Variants in ADAM22 observed in about 807,000 individuals in gnomAD.
The protein encoded by ADAM22 is ADAM metallopeptidase domain 22.
In ADAM22, 65 loss-of-function variants were observed where a neutral mutation model predicts 144.6. The ratio of observed to expected loss-of-function variants is 0.45; its 90% confidence interval spans 0.37 to 0.55. The LOEUF is 0.55. Among genes scored for constraint, ADAM22 ranks in the 20% least tolerant of loss-of-function variants. The pLI is 0.00. For missense variants in ADAM22, 974 were observed against 1,184.9 expected (o/e 0.82, Z 2.61); for synonymous variants, 391 against 412.6 (o/e 0.95, Z 0.63).
At position 87,954,060 on chromosome 7, in the gene ADAM22, G is replaced by A. The variant is rs201315977; in HGVS notation, c.246+18874G>A. The stretch of plus-strand genomic sequence containing the variant: ...TCTCTGCCCGTGAGATGGGTTTCCT[G>A]AATACAGCACACTGATGGGTCTTGA... On this transcript the variant is annotated intron_variant, in intron 2 of 31. Coordinates refer to ENST00000413139, the MANE Select transcript of ADAM22 (RefSeq NM_001324418.2). Among the ~76,000 whole-genome samples the A allele has an allele frequency of 5.5e-3, 830 of 152,152 alleles. 30 individuals are homozygous for A. In the East Asian group the frequency reaches 0.089, roughly 16 times the overall value.
chr7:87,934,899 C>G, intron 1 of ADAM22, 127 bp from the exon 2 acceptor site: 2 of 1,365,230 alleles, frequency 1.5e-6, no homozygotes, highest in Non-Finnish European at 2.1e-6. Flanking sequence ...AGTTGGGTTC[C>G]GAGAGGGAGG....
intron 17 of ADAM22, among the ~76,000 whole-genome samples, chr7:88,145,710 AAGGCTTGT>A (rs1323147344): frequency 1.3e-5 from 2 of 152,172 alleles, no homozygotes; most frequent in Non-Finnish European, 2.9e-5. Flanking sequence ...TGAGAATACT[AAGGCTTGT>A]AGTGGTTAAG....
chr7:87,973,184 C>G (rs1394781740), intron 2 of ADAM22, among the ~76,000 whole-genome samples: 2 of 152,266 alleles, frequency 1.3e-5, no homozygotes, highest in East Asian at 3.9e-4. Flanking sequence ...ATTTTTGCAA[C>G]CTACTTATCT....
intron 4 of ADAM22, among the ~76,000 whole-genome samples, chr7:88,084,834 A>G (rs1454161275): frequency 6.6e-6 from 1 of 152,204 alleles, no homozygotes; most frequent in African/African-American, 2.4e-5. Context: ...ATAGAAATGT[A>G]TGTTCTCTCA....
chr7:88,075,733 A>C, intron 4 of ADAM22, 41 bp downstream of exon 4: 1 of 1,340,662 alleles, frequency 7.5e-7, no homozygotes, highest in Non-Finnish European at 1.1e-6. Flanking sequence ...TTTGTTGAGA[A>C]TCTTTTAATA....
chr7:87,974,328 TA>T (rs754589769), intron 2 of ADAM22, among the ~76,000 whole-genome samples: 136 of 145,334 alleles, frequency 9.4e-4, no homozygotes, highest in Non-Finnish European at 1.7e-3. Flanking sequence ...AGAAAAAAAA[TA>T]AAAGAAAAGA....
intron 29 of ADAM22, among the ~76,000 whole-genome samples, chr7:88,183,662 C>CT (rs1427363227): frequency 6.6e-6 from 1 of 151,696 alleles, no homozygotes; most frequent in African/African-American, 2.4e-5. Context: ...ACAATAGGAT[C>CT]ATCTTTATGA....
At chr7:87,948,146 G>C (rs962359193) in intron 2 of ADAM22, among the ~76,000 whole-genome samples, 1 of 151,468 alleles carries the variant, frequency 6.6e-6, no homozygotes, top group Admixed American at 6.6e-5. Flanking sequence ...TTTCTCATTC[G>C]GTATGACCCT....
intron 14 of ADAM22, among the ~76,000 whole-genome samples, chr7:88,139,046 A>G (rs1356746702): frequency 6.6e-6 from 1 of 152,148 alleles, no homozygotes; most frequent in East Asian, 1.9e-4. Flanking sequence ...TTTGACTTCT[A>G]AGAGTCCTAC....
chr7:87,959,157 A>G (rs745911716), intron 2 of ADAM22, among the ~76,000 whole-genome samples: 6 of 152,156 alleles, frequency 3.9e-5, no homozygotes, highest in Non-Finnish European at 7.3e-5. Context: ...TAAAGGACCT[A>G]GAATTAGACT....
intron 5 of ADAM22, among the ~76,000 whole-genome samples, chr7:88,113,652 A>ATG (rs1384869294): frequency 8.1e-6 from 1 of 123,574 alleles, no homozygotes; most frequent in East Asian, 2.3e-4. Flanking sequence ...ATGTATGTGT[A>ATG]TGTGTGTGTG....
chr7:88,024,995 A>G lies in ADAM22; in HGVS notation c.323+46583A>G, dbSNP rs535431231. 2.6e-5 allele frequency among the ~76,000 whole-genome samples: 4 copies of G among 152,320 alleles called. No homozygotes were observed. In the East Asian group the frequency reaches 7.7e-4, roughly 29 times the overall value. On this transcript the variant is annotated intron_variant, in intron 3 of 31. Coordinates refer to ENST00000413139, the MANE Select transcript of ADAM22 (RefSeq NM_001324418.2). ...GTTCCAATTCTTTGCTATTGTGAAT[A>G]GTGCCGCAATAAACATACGTGTGCA...
chr7:88,011,192 T>A (rs1359788149), intron 3 of ADAM22, among the ~76,000 whole-genome samples: 2 of 152,142 alleles, frequency 1.3e-5, no homozygotes, highest in Non-Finnish European at 2.9e-5. Flanking sequence ...TACACTAAAA[T>A]GGTAAAAAGG....
intron 30 of ADAM22, among the ~76,000 whole-genome samples, chr7:88,189,056 T>C (rs1375065694): frequency 6.6e-6 from 1 of 152,194 alleles, no homozygotes; most frequent in Non-Finnish European, 1.5e-5. Context: ...ATTTAAAATA[T>C]AGTGGCCACA....
chr7:88,106,543 G>A (rs1824439365), intron 4 of ADAM22, among the ~76,000 whole-genome samples: 2 of 152,118 alleles, frequency 1.3e-5, no homozygotes, highest in Admixed American at 6.6e-5. Flanking sequence ...CTGTGAAGTA[G>A]GTAACATTTG....
intron 3 of ADAM22, among the ~76,000 whole-genome samples, chr7:88,045,104 G>A (rs1336008511): frequency 3.3e-5 from 5 of 150,168 alleles, no homozygotes; most frequent in Admixed American, 1.3e-4. Context: ...TGCAACCTCC[G>A]CCTCCCGGGT....
chr7:88,151,209 C>T (rs1314415456), intron 19 of ADAM22, 48 bp from the exon 20 acceptor site: 1 of 1,603,488 alleles, frequency 6.2e-7, no homozygotes, highest in Admixed American at 1.7e-5. Flanking sequence ...AGTTATCTGA[C>T]ATAAGCAGAT....
At chr7:88,112,191 C>A (rs765072472) in intron 5 of ADAM22, among the ~76,000 whole-genome samples, 1 of 152,196 alleles carries the variant, frequency 6.6e-6, no homozygotes, top group Non-Finnish European at 1.5e-5. Flanking sequence ...CAAACTGCAT[C>A]TGTTTATGTT....
intron 3 of ADAM22, among the ~76,000 whole-genome samples, chr7:88,022,501 C>T (rs1339894097): frequency 2.0e-5 from 3 of 151,912 alleles, no homozygotes; most frequent in African/African-American, 7.3e-5. Flanking sequence ...TGGATTTTAC[C>T]AAGAGAACAG....
Sources: allele counts gnomAD v4.1 joint callset (sites outside exome capture counted in the v4.1 genomes callset), GRCh38; gene constraint gnomAD v4.1.1; transcripts MANE v1.5; gene names NCBI Gene and HGNC (gene_info 2026-07-23, HGNC 2026-07-21).